Variants in CD274 observed in about 807,000 individuals in gnomAD.
The protein encoded by CD274 is CD274 molecule, also known as programmed cell death 1 ligand 1.
In CD274, 8 loss-of-function variants were observed where a neutral mutation model predicts 30.1. The observed-to-expected ratio is 0.27, with a 90% CI of 0.16 to 0.48. CD274 has a LOEUF of 0.48. Among genes scored for constraint, CD274 ranks in the 20% least tolerant of loss-of-function variants. The pLI is 0.99. For synonymous variants in CD274, 152 were observed against 124.6 expected (o/e 1.22, Z -1.46); for missense variants, 353 against 346.6 (o/e 1.02, Z -0.15).
At chr9:5,460,172 C>A (rs979592598) in intron 3 of CD274, among the ~76,000 whole-genome samples, 5 of 152,006 alleles carry the variant, frequency 3.3e-5, no homozygotes, top group Admixed American at 2.0e-4. Flanking sequence ...ATAGGATTAG[C>A]CTAAAATTTT....
chr9:5,467,675 A>C (rs1819519733), intron 6 of CD274, among the ~76,000 whole-genome samples, 165 bp from the exon 7 acceptor site: 1 of 152,178 alleles, frequency 6.6e-6, no homozygotes, highest in Non-Finnish European at 1.5e-5. Flanking sequence ...TTTCCAGGAT[A>C]TCATGTAAGG....
intron 2 of CD274, among the ~76,000 whole-genome samples, chr9:5,456,520 C>G (rs1034475228): frequency 6.6e-6 from 1 of 152,180 alleles, no homozygotes; most frequent in Non-Finnish European, 1.5e-5. Flanking sequence ...CTTGGTTGCT[C>G]TGTGACATGC....
At chr9:5,463,649 A>G (rs1819447109) in intron 4 of CD274, among the ~76,000 whole-genome samples, 1 of 152,164 alleles carries the variant, frequency 6.6e-6, no homozygotes, top group Non-Finnish European at 1.5e-5. Context: ...TGCCTCTCCC[A>G]AGGTAGTCTA....
At chr9:5,461,930 A>G (rs1819410685) in intron 3 of CD274, among the ~76,000 whole-genome samples, 1 of 152,160 alleles carries the variant, frequency 6.6e-6, no homozygotes, top group African/African-American at 2.4e-5. Flanking sequence ...AGAACAGAAA[A>G]AGGATATTAG....
At chr9:5,453,613 TA>T (rs2131204774) in intron 1 of CD274, among the ~76,000 whole-genome samples, 1 of 152,326 alleles carries the variant, frequency 6.6e-6, no homozygotes, top group South Asian at 2.1e-4. Context: ...TGCTTATGAA[TA>T]CCATGCAGTA....
At position 5,467,889 on chromosome 9, in the gene CD274, A is replaced by C. The variant is rs1394610895; in HGVS notation, c.*27A>C. On this transcript the variant is annotated 3_prime_UTR_variant, in exon 7 of 7. Transcript: ENST00000381577. ...CCAGCATTGGAACTTCTGATCTTCA[A>C]GCAGGGATTCTCAACCTGTGGTTTA... The C allele has an allele frequency of 2.7e-5, 43 of 1,599,386 alleles. No individual in the cohort carries two copies. Among genetic ancestry groups the C allele is most frequent in the Non-Finnish European group, 3.6e-5 (42 of 1,166,694 alleles).
intron 3 of CD274, among the ~76,000 whole-genome samples, chr9:5,462,202 T>C (rs1408809924): frequency 6.6e-6 from 1 of 152,196 alleles, no homozygotes; most frequent in Non-Finnish European, 1.5e-5. Context: ...TGTATTTTCA[T>C]ATCTAATTTC....
Position 5,467,866 on chromosome 9 carries a change from A to G in CD274, c.*4A>G, listed in dbSNP as rs1372720187. ...TACACATTTGGAGGAGACGTAATCC[A>G]GCATTGGAACTTCTGATCTTCAAGC... On this transcript the variant is annotated 3_prime_UTR_variant, in exon 7 of 7. Coordinates refer to ENST00000381577, the MANE Select transcript of CD274 (RefSeq NM_014143.4). 6.2e-7 allele frequency: 1 copy of G among 1,608,834 alleles called. No homozygotes were observed. Among genetic ancestry groups the G allele is most frequent in the Non-Finnish European group, 8.5e-7 (1 of 1,175,292 alleles).
intron 1 of CD274, among the ~76,000 whole-genome samples, chr9:5,451,912 C>T (rs115410922): frequency 0.01 from 1,593 of 152,154 alleles, 26 homozygotes; most frequent in African/African-American, 0.037. Flanking sequence ...AACTCCTAGC[C>T]TCAGGCGATC....
In CD274 at chr9:5,470,380, T is replaced by C. The variant is rs1819569920; in HGVS notation, c.*2518T>C. 4.3e-6 allele frequency: 1 copy of C among 232,044 alleles called. No homozygotes were observed. Among genetic ancestry groups the C allele is most frequent in the Non-Finnish European group, 8.5e-6 (1 of 117,372 alleles). 14.4% of individuals were successfully genotyped at this position (232,044 alleles called of 1,614,324 possible). On this transcript the variant is annotated 3_prime_UTR_variant, in exon 7 of 7. Coordinates refer to ENST00000381577, the MANE Select transcript of CD274 (RefSeq NM_014143.4). Reference sequence around the variant, plus strand: ...AAGGCACTTTATCCCTTTTGTCTCATGTTTCATCGTAAATGGCATAGGCAG... The same window carrying C: ...AAGGCACTTTATCCCTTTTGTCTCACGTTTCATCGTAAATGGCATAGGCAG...
chr9:5,461,458 G>T (rs1412482047), intron 3 of CD274, among the ~76,000 whole-genome samples: 1 of 152,028 alleles, frequency 6.6e-6, no homozygotes, highest in Non-Finnish European at 1.5e-5. Flanking sequence ...GTTTCCACTG[G>T]TAGTGGTTTC....
intron 1 of CD274, among the ~76,000 whole-genome samples, chr9:5,451,918 C>T (rs1030267006): frequency 6.6e-6 from 1 of 151,856 alleles, no homozygotes; most frequent in Non-Finnish European, 1.5e-5. Context: ...TAGCCTCAGG[C>T]GATCCTCCCT....
rs1286610602 is a variant in CD274 at position 5,470,141 on chromosome 9, A to C, written c.*2279A>C. ...TGGCCATATTCTGGTGTCAATGACA[A>C]GGAGTACCTTGGCTTTGCCACATGT... On this transcript the variant is annotated 3_prime_UTR_variant, in exon 7 of 7. Transcript: ENST00000381577. 1.3e-5 allele frequency: 3 copies of C among 232,952 alleles called. No homozygotes were observed. In the East Asian group the frequency reaches 1.8e-4, roughly 14 times the overall value. The allele number at this position is 232,952 out of a possible 1,614,324, so 14.4% of individuals were successfully genotyped here. A position where few individuals can be genotyped will look rare whatever the true frequency, so the allele number is the denominator to read the frequency against.
chr9:5,453,915 T>G (rs1819252181), intron 1 of CD274, among the ~76,000 whole-genome samples: 1 of 152,206 alleles, frequency 6.6e-6, no homozygotes, highest in Admixed American at 6.5e-5. Flanking sequence ...AGCCCAATTT[T>G]GACAACCAAA....
chr9:5,465,239 TC>T (rs1474940055), intron 4 of CD274, among the ~76,000 whole-genome samples: 2 of 152,354 alleles, frequency 1.3e-5, no homozygotes, highest in East Asian at 3.9e-4. Context: ...TGGTTAAGTA[TC>T]TTGCCCAAGA....
At position 5,457,121 on chromosome 9, in the gene CD274, A is replaced by ATGGTAGCAAT; in HGVS notation, c.96_105dup (p.Met36TrpfsTer2). Reference sequence around the variant, plus strand: ...CCCAAGGACCTATATGTGGTAGAGTATGGTAGCAATATGACAATTGAATGC... The same window carrying ATGGTAGCAAT: ...CCCAAGGACCTATATGTGGTAGAGTATGGTAGCAATTGGTAGCAATATGACAATTGAATGC... On this transcript the variant is annotated frameshift_variant, in exon 3 of 7. Transcript: ENST00000381577. LOFTEE classifies it high-confidence loss of function. 6.2e-7 allele frequency: 1 copy of ATGGTAGCAAT among 1,613,886 alleles called. No homozygotes were observed. Among genetic ancestry groups the ATGGTAGCAAT allele is most frequent in the Non-Finnish European group, 8.5e-7 (1 of 1,179,776 alleles).
In CD274 at chr9:5,468,147, C is replaced by A; in HGVS notation, c.*285C>A. ...AGAAAGGATACTTCTGAACAAGGAG[C>A]CTCCAAGCAAATCATCCATTGCTCA... On this transcript the variant is annotated 3_prime_UTR_variant, in exon 7 of 7. Transcript: ENST00000381577. The A allele has an allele frequency of 2.3e-6, 1 of 435,890 alleles. No individual in the cohort carries two copies. The highest frequency in any genetic ancestry group is 4.6e-5 in the South Asian group (1 of 21,752). The allele number at this position is 435,890 out of a possible 1,614,324, so 27.0% of individuals were successfully genotyped here. A position where few individuals can be genotyped will look rare whatever the true frequency, so the allele number is the denominator to read the frequency against.
chr9:5,454,294 C>CT (rs1226774215), intron 1 of CD274, among the ~76,000 whole-genome samples: 10 of 152,046 alleles, frequency 6.6e-5, no homozygotes, highest in Non-Finnish European at 1.5e-4. Flanking sequence ...CTTTTCCTTC[C>CT]TTTTTTCCCT....
chr9:5,469,324 C>T lies in CD274; in HGVS notation c.*1462C>T. The T allele has an allele frequency of 4.3e-6, 1 of 232,518 alleles. No individual in the cohort carries two copies. Among genetic ancestry groups the T allele is most frequent in the South Asian group, 1.8e-4 (1 of 5,498 alleles). 14.4% of individuals were successfully genotyped at this position (232,518 alleles called of 1,614,324 possible). On this transcript the variant is annotated 3_prime_UTR_variant, in exon 7 of 7. Transcript: ENST00000381577. ...ACTAAATTTTAAATTCATACCTTTCCATGATTCAAAATTCAAAAGATCCCA... is the reference window on the plus strand; with the variant it reads ...ACTAAATTTTAAATTCATACCTTTCTATGATTCAAAATTCAAAAGATCCCA...
Sources: allele counts gnomAD v4.1 joint callset (sites outside exome capture counted in the v4.1 genomes callset), GRCh38; gene constraint gnomAD v4.1.1; transcripts MANE v1.5; gene names NCBI Gene and HGNC (gene_info 2026-07-23, HGNC 2026-07-21).